The following SIAH3 variants were observed in gnomAD, a reference collection of about 807,000 sequenced individuals.
The protein encoded by SIAH3 is siah E3 ubiquitin protein ligase family member 3.
Under a neutral mutation model 12.6 loss-of-function variants are expected in SIAH3, and 9 were observed. The ratio of observed to expected loss-of-function variants is 0.72; its 90% confidence interval spans 0.43 to 1.25. The LOEUF (loss-of-function observed/expected upper bound fraction) is 1.25, where lower values mean the gene tolerates loss of function less well. Ranked by LOEUF, SIAH3 falls within the 50% of genes most tolerant of loss-of-function variation. SIAH3 has a pLI of 0.00. For missense variants in SIAH3, 390 were observed against 365.4 expected (o/e 1.07, Z -0.55); for synonymous variants, 154 against 151.1 (o/e 1.02, Z -0.14).
chr13:45,803,812 G>A (rs1950590314), intron 1 of SIAH3, among the ~76,000 whole-genome samples: 1 of 152,098 alleles, frequency 6.6e-6, no homozygotes. Context: ...AGGAGTTTGA[G>A]TCTTGTTATG....
Position 45,847,632 on chromosome 13 carries a change from T to TGTGTGTGTGTGTGTGTGCAC in SIAH3, c.135+3843_135+3862dup, listed in dbSNP as rs1243646207. On this transcript the variant is annotated intron_variant, in intron 1 of 1. Coordinates refer to ENST00000400405, the MANE Select transcript of SIAH3 (RefSeq NM_198849.3). ...CCCACTCCATGTGTTCGTGTGTGTGTGTGTGTGTGTGTGTGTGCACGTGTG... is the reference window on the plus strand; with the variant it reads ...CCCACTCCATGTGTTCGTGTGTGTGTGTGTGTGTGTGTGTGTGCACGTGTGTGTGTGTGTGTGCACGTGTG... Among the ~76,000 whole-genome samples the TGTGTGTGTGTGTGTGTGCAC allele has an allele frequency of 8.6e-5, 13 of 151,784 alleles. No individual in the cohort carries two copies. The East Asian group carries it at 2.5e-3, about 29-fold the overall frequency.
At position 45,787,426 on chromosome 13, in the gene SIAH3, T is replaced by C. The variant is rs146203902; in HGVS notation, c.136-3369A>G. 2.2e-4 allele frequency among the ~76,000 whole-genome samples: 34 copies of C among 152,318 alleles called. 1 individual carries two copies. The East Asian group carries it at 6.6e-3, about 29-fold the overall frequency. On this transcript the variant is annotated intron_variant, in intron 1 of 1. Coordinates refer to ENST00000400405, the MANE Select transcript of SIAH3 (RefSeq NM_198849.3). The stretch of plus-strand genomic sequence containing the variant: ...CCTATCCTGCCTCACTAGCTCACTA[T>C]GATTGTGTGAAAGCAATGCAAAAAT...
At chr13:45,816,165 C>T (rs1291829497) in intron 1 of SIAH3, among the ~76,000 whole-genome samples, 1 of 152,230 alleles carries the variant, frequency 6.6e-6, no homozygotes, top group African/African-American at 2.4e-5. Context: ...CTGATTGAGA[C>T]CTGAAGGAGC....
At chr13:45,843,034 C>CTCTCTGTGTGTGTGTG (rs560128772) in intron 1 of SIAH3, among the ~76,000 whole-genome samples, 3 of 139,188 alleles carry the variant, frequency 2.2e-5, no homozygotes, top group Admixed American at 7.6e-5. Flanking sequence ...CTCTCTCTCT[C>CTCTCTGTGTGTGTGTG]TGTGTGTGTG....
intron 1 of SIAH3, among the ~76,000 whole-genome samples, chr13:45,786,169 T>C (rs947143246): frequency 2.6e-5 from 4 of 152,106 alleles, no homozygotes; most frequent in African/African-American, 9.7e-5. Context: ...GCCCACACCT[T>C]CCATCAGCCA....
At chr13:45,811,819 G>A (rs938748536) in intron 1 of SIAH3, among the ~76,000 whole-genome samples, 2 of 152,172 alleles carry the variant, frequency 1.3e-5, no homozygotes, top group Non-Finnish European at 2.9e-5. Flanking sequence ...CCTCTTGGGT[G>A]CATTCACCTC....
chr13:45,840,113 CTGTG>C (rs1950735000), intron 1 of SIAH3, among the ~76,000 whole-genome samples: 2 of 152,150 alleles, frequency 1.3e-5, no homozygotes, highest in Admixed American at 6.5e-5. Context: ...CAAAAATTAG[CTGTG>C]CGTGGTGGTG....
At chr13:45,787,074 G>C (rs958630987) in intron 1 of SIAH3, among the ~76,000 whole-genome samples, 6 of 152,022 alleles carry the variant, frequency 3.9e-5, no homozygotes, top group African/African-American at 1.5e-4. Context: ...CCTTCCATTG[G>C]TGAAACCCAA....
At chr13:45,795,254 C>G (rs1370066070) in intron 1 of SIAH3, among the ~76,000 whole-genome samples, 1 of 152,138 alleles carries the variant, frequency 6.6e-6, no homozygotes, top group South Asian at 2.1e-4. Context: ...GAAGCTCACT[C>G]CCAGAGATAC....
At position 45,833,740 on chromosome 13, in the gene SIAH3, C is replaced by A. The variant is rs1950708321; in HGVS notation, c.135+17755G>T. ...GGACAGACTCAGAAAGGGGACATGA[C>A]CTGCTGAAGGTCAGAGCTGGTAAGT... On this transcript the variant is annotated intron_variant, in intron 1 of 1. Transcript: ENST00000400405. Among the ~76,000 whole-genome samples the A allele has an allele frequency of 2.0e-5, 3 of 152,142 alleles. No individual in the cohort carries two copies. In the South Asian group the frequency reaches 6.2e-4, roughly 32 times the overall value.
At position 45,783,994 on chromosome 13, in the gene SIAH3, G is replaced by A; in HGVS notation, c.199C>T (p.His67Tyr). ...APEQGSFHPH[H>Y]LSHHHCHHRH... ...TGGTGGCAGTGGTGGTGGGAGAGAT[G>A]GTGAGGGTGGAAGCTGCCTTGCTCT... The change falls in exon 2 of 2, where the codon CAT becomes TAT. Residue 67 changes from histidine to tyrosine, a missense_variant. His to Tyr is a moderately conservative substitution (Grantham distance 83). Transcript: ENST00000400405. The A allele has an allele frequency of 6.2e-7, 1 of 1,606,472 alleles. No homozygotes were observed. The highest frequency in any genetic ancestry group is 8.5e-7 in the Non-Finnish European group (1 of 1,176,398).
chr13:45,800,511 G>A (rs7985729), intron 1 of SIAH3, among the ~76,000 whole-genome samples: 53,418 of 151,942 alleles, frequency 0.35, 9,840 homozygotes, highest in Non-Finnish European at 0.39. Context: ...TCACTGTGTC[G>A]ATTTCTTTTG....
rs545715294 is a variant in SIAH3 at position 45,779,819 on chromosome 13, C to A, written c.*3564G>T. ...ATTCCTAAAATGTCCAGAGTAGCCA[C>A]AGCTAGTGATGGGGTTTACCAGGTA... On this transcript the variant is annotated 3_prime_UTR_variant, in exon 2 of 2. Coordinates refer to ENST00000400405, the MANE Select transcript of SIAH3 (RefSeq NM_198849.3). 10 of 152,318 alleles carry A rather than the reference C, an allele frequency of 6.6e-5. No homozygotes were observed. The highest frequency in any genetic ancestry group is 2.1e-4 in the South Asian group (1 of 4,824). The allele number at this position is 152,318 out of a possible 1,614,324, so 9.4% of individuals were successfully genotyped here.
intron 1 of SIAH3, among the ~76,000 whole-genome samples, chr13:45,808,148 A>C (rs988046063): frequency 8.5e-5 from 13 of 152,232 alleles, no homozygotes; most frequent in African/African-American, 2.9e-4. Flanking sequence ...CAAATGCTAT[A>C]AATCAGGGCT....
chr13:45,823,047 C>A (rs1950661944), intron 1 of SIAH3, among the ~76,000 whole-genome samples: 2 of 152,204 alleles, frequency 1.3e-5, no homozygotes, highest in South Asian at 4.1e-4. Context: ...GTCCCCTCTG[C>A]TCCAGATTAA....
At chr13:45,815,258 G>A (rs1284363733) in intron 1 of SIAH3, among the ~76,000 whole-genome samples, 2 of 151,954 alleles carry the variant, frequency 1.3e-5, no homozygotes, top group African/African-American at 4.8e-5. Context: ...TTGTTTAGAT[G>A]AGGTGAACAT....
At chr13:45,798,023 G>T (rs557867348) in intron 1 of SIAH3, among the ~76,000 whole-genome samples, 1 of 152,280 alleles carries the variant, frequency 6.6e-6, no homozygotes, top group Non-Finnish European at 1.5e-5. Context: ...GACTTCACTG[G>T]GGGCAGAGGG....
intron 1 of SIAH3, among the ~76,000 whole-genome samples, chr13:45,833,502 C>T (rs972186851): frequency 1.3e-5 from 2 of 151,980 alleles, no homozygotes; most frequent in African/African-American, 4.8e-5. Flanking sequence ...CGCACACACA[C>T]ACACACGGCA....
chr13:45,784,398 G>GTTTTTTTTTTTTTTTTTTTTTTTTTT (rs35686357), intron 1 of SIAH3, among the ~76,000 whole-genome samples: 1 of 65,802 alleles, frequency 1.5e-5, no homozygotes, highest in African/African-American at 6.5e-5. Flanking sequence ...AAAGACAGCT[G>GTTTTTTTTTTTTTTTTTTTTTTTTTT]TTTTTTTTTT....
Sources: allele counts gnomAD v4.1 joint callset (sites outside exome capture counted in the v4.1 genomes callset), GRCh38; gene constraint gnomAD v4.1.1; transcripts MANE v1.5; gene names NCBI Gene and HGNC (gene_info 2026-07-23, HGNC 2026-07-21).